The following KIAA1143 variants were observed in gnomAD, a reference collection of about 807,000 sequenced individuals.
KIAA1143 encodes the protein uncharacterized protein KIAA1143.
A neutral mutation model predicts 17.0 loss-of-function variants in KIAA1143; 8 were observed. That is an observed-to-expected ratio of 0.47 (90% CI 0.28 to 0.85). KIAA1143 has a LOEUF of 0.85. KIAA1143 is among the 40% of genes least tolerant of loss of function. The pLI is 0.12. For synonymous variants in KIAA1143, 64 were observed against 67.8 expected, an observed-to-expected ratio of 0.94 and a Z score of 0.27; for missense variants, 162 against 183.3, an observed-to-expected ratio of 0.88 and a Z score of 0.67.
chr3:44,755,621 A>T (rs918680693), intron 1 of KIAA1143, among the ~76,000 whole-genome samples: 5 of 152,188 alleles, frequency 3.3e-5, no homozygotes, highest in African/African-American at 1.2e-4. Flanking sequence ...CGGCTTATTA[A>T]GCCCCACAGC....
Position 44,754,324 on chromosome 3 carries a change from G to A in KIAA1143, c.153C>T (p.Asp51=), listed in dbSNP as rs745669873. 2 of 1,613,830 alleles carry A rather than the reference G, an allele frequency of 1.2e-6. No individual in the cohort carries two copies. Among genetic ancestry groups the A allele is most frequent in the South Asian group, 2.2e-5 (2 of 91,064 alleles). ...QPPDEDGDHS[D]KEDEQPQVVV... ...CCACTTGAGGCTGTTCATCTTCTTT[G>A]TCACTGTGATCCCCATCTTCATCTG... is the stretch of plus-strand genomic sequence containing the variant. The change falls in exon 2 of 3, where the codon GAC becomes GAT. Residue 51 remains aspartate (D), a synonymous_variant. Transcript: ENST00000296121.
intron 1 of KIAA1143, among the ~76,000 whole-genome samples, chr3:44,756,928 A>G (rs1331640139): frequency 1.3e-5 from 2 of 152,216 alleles, no homozygotes; most frequent in Non-Finnish European, 2.9e-5. Flanking sequence ...AGAATTCAGT[A>G]TTATCCACTG....
In KIAA1143 at chr3:44,751,096, G is replaced by A. The variant is rs1559509807; in HGVS notation, c.*2245C>T. The stretch of plus-strand genomic sequence containing the variant: ...AAAGCCAATCTAGGAGAGTCTATAT[G>A]GACAATGATTCTTGTTGCACTTTGT... On this transcript the variant is annotated 3_prime_UTR_variant, in exon 3 of 3. Coordinates refer to ENST00000296121, the MANE Select transcript of KIAA1143 (RefSeq NM_020696.4). 6.6e-6 allele frequency: 1 copy of A among 151,654 alleles called. No individual in the cohort carries two copies. Among genetic ancestry groups the A allele is most frequent in the Non-Finnish European group, 1.5e-5 (1 of 67,958 alleles). 9.4% of individuals were successfully genotyped at this position (151,654 alleles called of 1,614,324 possible). A position where few individuals can be genotyped will look rare whatever the true frequency, so the allele number is the denominator to read the frequency against.
Position 44,758,717 on chromosome 3 carries a change from G to A in KIAA1143, c.108+2778C>T, listed in dbSNP as rs184425726. On this transcript the variant is annotated intron_variant, in intron 1 of 2. Coordinates refer to ENST00000296121, the MANE Select transcript of KIAA1143 (RefSeq NM_020696.4). Reference sequence around the variant, plus strand: ...CCTCTTCCAAATTCCTGTTAATGTTGATATTTTGCCCTCTTCCCATGAATC... The same window carrying A: ...CCTCTTCCAAATTCCTGTTAATGTTAATATTTTGCCCTCTTCCCATGAATC... Among the ~76,000 whole-genome samples the A allele has an allele frequency of 3.3e-3, 504 of 152,202 alleles. 1 individual carries two copies. The highest frequency in any genetic ancestry group is 3.6e-3 in the Non-Finnish European group (245 of 68,016).
intron 2 of KIAA1143, 42 bp downstream of exon 2, chr3:44,754,182 C>A (rs141126085): frequency 6.3e-7 from 1 of 1,593,190 alleles, no homozygotes; most frequent in East Asian, 2.2e-5. Flanking sequence ...ATACCCTGGG[C>A]TCCTTAAATT....
Position 44,761,533 on chromosome 3 carries a change from G to C in KIAA1143, c.70C>G (p.Arg24Gly). ...EPAFLARFKE[R>G]VGYREGPTVE... ...GTGGGTCCCTCCCTGTAGCCGACCC[G>C]TTCCTTGAAGCGGGCCAGAAACGCC... Residue 24 changes from arginine (R) to glycine (G), a missense_variant, in exon 1 of 3, where the codon CGG (arginine) becomes GGG (glycine). Around this residue, in one of 2 missense-constraint regions of KIAA1143, gnomAD observed 137 missense variants for 132.5 expected, o/e 1.03. Coordinates refer to ENST00000296121, the MANE Select transcript of KIAA1143 (RefSeq NM_020696.4). 6.2e-7 allele frequency: 1 copy of C among 1,614,132 alleles called. No individual in the cohort carries two copies. The highest frequency in any genetic ancestry group is 8.5e-7 in the Non-Finnish European group (1 of 1,180,022).
chr3:44,754,617 C>G (rs1704940457), intron 1 of KIAA1143, among the ~76,000 whole-genome samples: 1 of 152,164 alleles, frequency 6.6e-6, no homozygotes, highest in East Asian at 1.9e-4. Flanking sequence ...CTTGTAGTTA[C>G]TAGTGTGAGG....
In KIAA1143 at chr3:44,753,087, T is replaced by C. The variant is rs1704912500; in HGVS notation, c.*254A>G. 1 of 281,352 alleles carries C rather than the reference T, an allele frequency of 3.6e-6. No individual in the cohort carries two copies. Among genetic ancestry groups the C allele is most frequent in the Non-Finnish European group, 6.5e-6 (1 of 152,788 alleles). The allele number at this position is 281,352 out of a possible 1,614,324, so 17.4% of individuals were successfully genotyped here. ...TTGTTTACACACAAAAAATGTATTTTGCTTAAAAATATAATTTACATATAT... is the reference window on the plus strand; with the variant it reads ...TTGTTTACACACAAAAAATGTATTTCGCTTAAAAATATAATTTACATATAT... On this transcript the variant is annotated 3_prime_UTR_variant, in exon 3 of 3. Coordinates refer to ENST00000296121, the MANE Select transcript of KIAA1143 (RefSeq NM_020696.4).
chr3:44,753,746 G>T (rs4682993), intron 2 of KIAA1143, 194 bp from the exon 3 acceptor site: 10,033 of 170,648 alleles, frequency 0.059, 320 homozygotes, highest in African/African-American at 0.085. Context: ...ACATGCTAAA[G>T]TATTCTATAA....
chr3:44,754,277 A>G lies in KIAA1143; in HGVS notation c.200T>C (p.Leu67Pro). Residue 67 changes from leucine to proline, a missense_variant, in exon 2 of 3, where the codon CTG becomes CCG. Physicochemically the swap from Leu to Pro is moderately conservative, Grantham distance 98. Transcript: ENST00000296121. The part of the protein sequence containing the change: ...PQVVVLKKGD[L>P]SVEEVMKIKA... ...AATTTTCATGACTTCTTCAACTGAC[A>G]GGTCTCCCTTTTTTAAAACCACCAC... 1.2e-6 allele frequency: 2 copies of G among 1,614,078 alleles called. No individual in the cohort carries two copies. The highest frequency in any genetic ancestry group is 1.7e-6 in the Non-Finnish European group (2 of 1,179,942).
At chr3:44,760,057 C>T (rs1390478955) in intron 1 of KIAA1143, among the ~76,000 whole-genome samples, 1 of 152,096 alleles carries the variant, frequency 6.6e-6, no homozygotes, top group Non-Finnish European at 1.5e-5. Context: ...ATGGAGATGG[C>T]TTCTTTCCTT....
At chr3:44,757,943 TG>T (rs1210531670) in intron 1 of KIAA1143, among the ~76,000 whole-genome samples, 3 of 152,242 alleles carry the variant, frequency 2.0e-5, no homozygotes, top group Non-Finnish European at 4.4e-5. Context: ...ACAAATTTTC[TG>T]GTTTCCCAGT....
chr3:44,754,726 C>T (rs571181114), intron 1 of KIAA1143, among the ~76,000 whole-genome samples: 1 of 152,300 alleles, frequency 6.6e-6, no homozygotes, highest in South Asian at 2.1e-4. Context: ...TTGCCTGTCT[C>T]TTCTCTGAGT....
chr3:44,756,343 T>C (rs1200305964), intron 1 of KIAA1143, among the ~76,000 whole-genome samples: 2 of 152,166 alleles, frequency 1.3e-5, no homozygotes, highest in Non-Finnish European at 2.9e-5. Context: ...GGCAGATCAC[T>C]TGAGGTCAGC....
At chr3:44,755,785 G>A (rs77805183) in intron 1 of KIAA1143, among the ~76,000 whole-genome samples, 9,147 of 152,256 alleles carry the variant, frequency 0.06, 287 homozygotes, top group Middle Eastern at 0.085. Flanking sequence ...GGTTTCCACT[G>A]GGCAAGTGCC....
In KIAA1143 at chr3:44,753,021, A is replaced by C. The variant is rs940147978; in HGVS notation, c.*320T>G. ...CGTAATGCAATGTCAAGTGAGAAGC[A>C]GGACAAAGAACATTTGCAATACAGT... On this transcript the variant is annotated 3_prime_UTR_variant, in exon 3 of 3. Coordinates refer to ENST00000296121, the MANE Select transcript of KIAA1143 (RefSeq NM_020696.4). 5.3e-4 allele frequency: 93 copies of C among 175,640 alleles called. No homozygotes were observed. The highest frequency in any genetic ancestry group is 7.3e-4 in the Non-Finnish European group (61 of 83,308). The allele number at this position is 175,640 out of a possible 1,614,324, so 10.9% of individuals were successfully genotyped here.
In KIAA1143 at chr3:44,754,295, A is replaced by G; in HGVS notation, c.182T>C (p.Val61Ala). 1.2e-6 allele frequency: 2 copies of G among 1,613,944 alleles called. No individual in the cohort carries two copies. Among genetic ancestry groups the G allele is most frequent in the Non-Finnish European group, 1.7e-6 (2 of 1,179,918 alleles). ...AACTGACAGGTCTCCCTTTTTTAAA[A>G]CCACCACTTGAGGCTGTTCATCTTC... is the stretch of plus-strand genomic sequence containing the variant. ...DKEDEQPQVV[V>A]LKKGDLSVEE... The change falls in exon 2 of 3, where the codon GTT becomes GCT. Residue 61 changes from valine to alanine, a missense_variant. Transcript: ENST00000296121.
At chr3:44,757,167 A>C (rs1406972089) in intron 1 of KIAA1143, among the ~76,000 whole-genome samples, 1 of 152,218 alleles carries the variant, frequency 6.6e-6, no homozygotes, top group African/African-American at 2.4e-5. Flanking sequence ...CATCACCAGG[A>C]CCTCAAGCAA....
intron 1 of KIAA1143, among the ~76,000 whole-genome samples, chr3:44,760,004 C>T (rs1337624198): frequency 2.0e-5 from 3 of 151,190 alleles, no homozygotes; most frequent in Non-Finnish European, 4.4e-5. Context: ...ACTATCTTAG[C>T]TAGATCTGAA....
Sources: allele counts gnomAD v4.1 joint callset (sites outside exome capture counted in the v4.1 genomes callset), GRCh38; gene constraint gnomAD v4.1.1; regional missense constraint gnomAD v4.1.1; transcripts MANE v1.5; gene names NCBI Gene and HGNC (gene_info 2026-07-23, HGNC 2026-07-21).